The following SPTA1 variants were observed in gnomAD, a reference collection of about 807,000 sequenced individuals.
SPTA1 encodes the protein spectrin alpha chain, erythrocytic 1.
In SPTA1, 177 loss-of-function variants were observed where a neutral mutation model predicts 324.7. That is an observed-to-expected ratio of 0.55 (90% CI 0.48 to 0.62). The LOEUF (loss-of-function observed/expected upper bound fraction) is 0.62, where lower values mean the gene tolerates loss of function less well. Ranked by LOEUF, SPTA1 falls within the 20% of genes least tolerant of loss-of-function variation. The pLI, the probability that SPTA1 is intolerant of heterozygous loss-of-function variation, is 0.00. For synonymous variants in SPTA1, 1,195 were observed against 1,041.3 expected, an observed-to-expected ratio of 1.15 and a Z score of -2.84; for missense variants, 3,162 against 2,883.6, an observed-to-expected ratio of 1.10 and a Z score of -2.21.
intron 49 of SPTA1, 24 bp from the exon 50 acceptor site, chr1:158,613,891 A>G (rs756470383): frequency 5.0e-6 from 8 of 1,610,110 alleles, no homozygotes; most frequent in Non-Finnish European, 6.8e-6. Flanking sequence ...AAAGAAAAAA[A>G]AATTTATCAA....
At chr1:158,632,981 G>A (rs1301125989) in intron 39 of SPTA1, among the ~76,000 whole-genome samples, 2 of 152,150 alleles carry the variant, frequency 1.3e-5, no homozygotes, top group Non-Finnish European at 2.9e-5. Context: ...CCACGACACT[G>A]CTCAGAAATA....
intron 5 of SPTA1, among the ~76,000 whole-genome samples, 175 bp from the exon 6 acceptor site, chr1:158,678,709 C>A (rs1371418436): frequency 6.6e-6 from 1 of 152,108 alleles, no homozygotes; most frequent in African/African-American, 2.4e-5. Context: ...TTGATGCACA[C>A]TACCAAAACC....
intron 43 of SPTA1, among the ~76,000 whole-genome samples, chr1:158,622,383 T>C (rs1243089390): frequency 6.6e-6 from 1 of 152,020 alleles, no homozygotes; most frequent in Non-Finnish European, 1.5e-5. Context: ...TTATGTATTA[T>C]TAATACACAC....
intron 42 of SPTA1, among the ~76,000 whole-genome samples, chr1:158,623,443 C>T (rs1414228614): frequency 1.3e-5 from 2 of 152,128 alleles, no homozygotes; most frequent in African/African-American, 4.8e-5. Context: ...TGTGTCCCCA[C>T]CCAAATCTCA....
chr1:158,684,723 A>T (rs1655045677), intron 2 of SPTA1, among the ~76,000 whole-genome samples: 1 of 152,112 alleles, frequency 6.6e-6, no homozygotes, highest in African/African-American at 2.4e-5. Flanking sequence ...TTTGGCATTG[A>T]TGAATGCTTC....
At chr1:158,683,687 T>C (rs1404931858) in intron 2 of SPTA1, among the ~76,000 whole-genome samples, 191 bp from the exon 3 acceptor site, 1 of 152,126 alleles carries the variant, frequency 6.6e-6, no homozygotes, top group Non-Finnish European at 1.5e-5. Flanking sequence ...CTGAGCCTTA[T>C]GATCTATGCC....
intron 39 of SPTA1, among the ~76,000 whole-genome samples, chr1:158,628,642 CTGAA>C (rs1417205183): frequency 6.6e-6 from 1 of 151,912 alleles, no homozygotes; most frequent in Non-Finnish European, 1.5e-5. Context: ...GACTGAAAGC[CTGAA>C]TGAATCATAT....
intron 10 of SPTA1, among the ~76,000 whole-genome samples, chr1:158,673,765 G>A (rs535626362): frequency 3.9e-4 from 59 of 152,256 alleles, no homozygotes; most frequent in African/African-American, 1.3e-3. Context: ...TTAGGTAGAA[G>A]TCAGAGGGTT....
intron 35 of SPTA1, 95 bp from the exon 36 acceptor site, chr1:158,638,336 C>T (rs776528090): frequency 3.8e-5 from 46 of 1,221,044 alleles, no homozygotes; most frequent in Non-Finnish European, 5.2e-5. Flanking sequence ...AAGACTGGGC[C>T]AAATGGATTG....
chr1:158,653,205 G>C, intron 22 of SPTA1, 69 bp downstream of exon 22: 1 of 1,607,424 alleles, frequency 6.2e-7, no homozygotes, highest in South Asian at 1.1e-5. Context: ...GCAGGGTCAT[G>C]AGAAGAAATG....
chr1:158,645,647 G>A (rs1217696250), intron 27 of SPTA1, 53 bp from the exon 28 acceptor site: 2 of 1,574,130 alleles, frequency 1.3e-6, no homozygotes, highest in East Asian at 4.5e-5. Context: ...ACTTGCTACA[G>A]TGCTGTTTGT....
At chr1:158,676,010 T>C in intron 8 of SPTA1, 131 bp downstream of exon 8, 1 of 1,194,278 alleles carries the variant, frequency 8.4e-7, no homozygotes, top group Non-Finnish European at 1.2e-6. Flanking sequence ...CTTAAATATT[T>C]TGTCTCTACT....
intron 49 of SPTA1, 120 bp downstream of exon 49, chr1:158,614,133 A>T: frequency 2.3e-6 from 2 of 865,152 alleles, no homozygotes; most frequent in Non-Finnish European, 3.7e-6. Flanking sequence ...GCTAATGAGC[A>T]TATCTAGATC....
chr1:158,615,655 C>G (rs1203884379), intron 47 of SPTA1, among the ~76,000 whole-genome samples: 1 of 152,068 alleles, frequency 6.6e-6, no homozygotes, highest in Admixed American at 6.6e-5. Flanking sequence ...TAGTTATACA[C>G]ACACACACAT....
intron 22 of SPTA1, 54 bp from the exon 23 acceptor site, chr1:158,652,707 T>C (rs1652543788): frequency 6.3e-7 from 1 of 1,593,670 alleles, no homozygotes; most frequent in Non-Finnish European, 8.6e-7. Context: ...TACAGAAGAG[T>C]AGAGGCTGAG....
At chr1:158,624,155 A>G (rs1289189898) in intron 42 of SPTA1, among the ~76,000 whole-genome samples, 2 of 152,212 alleles carry the variant, frequency 1.3e-5, no homozygotes, top group Non-Finnish European at 2.9e-5. Context: ...CAGAGTCCTC[A>G]TGGAGAACCT....
In SPTA1 at chr1:158,619,296, C is replaced by T; in HGVS notation, c.6456G>A (p.Gln2152=). ...EQELQKEEAR[Q]VKNFEMCQEF... ...CCTGACACATCTCAAAGTTCTTGAC[C>T]TGTCTTGCCTCTTCCTTTTGCAGCT... is the stretch of plus-strand genomic sequence containing the variant. Residue 2152 remains glutamine (Q), a synonymous_variant, in exon 45 of 52, where the codon CAG becomes CAA. Coordinates refer to ENST00000643759, the MANE Select transcript of SPTA1 (RefSeq NM_003126.4). The T allele has an allele frequency of 6.2e-7, 1 of 1,614,138 alleles. No homozygotes were observed. The highest frequency in any genetic ancestry group is 8.5e-7 in the Non-Finnish European group (1 of 1,179,996).
In SPTA1 at chr1:158,626,839, C is replaced by T. The variant is rs765287023; in HGVS notation, c.5833G>A (p.Ala1945Thr). 10 of 1,613,418 alleles carry T rather than the reference C, an allele frequency of 6.2e-6. No homozygotes were observed. In the East Asian group the frequency reaches 2.2e-4, roughly 36 times the overall value. The change falls in exon 41 of 52, where the codon GCT becomes ACT. Residue 1945 changes from alanine to threonine, a missense_variant and splice_region_variant. Coordinates refer to ENST00000643759, the MANE Select transcript of SPTA1 (RefSeq NM_003126.4). Reference sequence around the variant, plus strand: ...GGACCCTGAACCTGACACATCATACCTATCCAAGCCTCTACCACATCAGCC... The same window carrying T: ...GGACCCTGAACCTGACACATCATACTTATCCAAGCCTCTACCACATCAGCC... ...WKADVVEAWI[A>T]DKETSLKTNG...
intron 25 of SPTA1, 25 bp from the exon 26 acceptor site, chr1:158,648,678 T>A: frequency 6.2e-7 from 1 of 1,612,574 alleles, no homozygotes; most frequent in East Asian, 2.2e-5. Context: ...AGTAGAGAGT[T>A]CAAAAGTAAG....
Sources: allele counts gnomAD v4.1 joint callset (sites outside exome capture counted in the v4.1 genomes callset), GRCh38; gene constraint gnomAD v4.1.1; transcripts MANE v1.5; gene names NCBI Gene and HGNC (gene_info 2026-07-23, HGNC 2026-07-21).